The following MYRIP variants were observed in gnomAD, a reference collection of about 807,000 sequenced individuals.
MYRIP encodes the protein myosin VIIA and Rab interacting protein.
A neutral mutation model predicts 98.0 loss-of-function variants in MYRIP; 49 were observed. The ratio of observed to expected loss-of-function variants is 0.50; its 90% confidence interval spans 0.40 to 0.63. The LOEUF (loss-of-function observed/expected upper bound fraction) is 0.63. Ranked by LOEUF, MYRIP falls within the 30% of genes least tolerant of loss-of-function variation. The probability of loss-of-function intolerance (pLI) is 0.00; values close to 1 mark genes in which losing one functional copy is unlikely to be tolerated. For synonymous variants in MYRIP, 404 were observed against 409.5 expected (o/e 0.99, Z 0.16); for missense variants, 1,004 against 1,058.2 (o/e 0.95, Z 0.71).
At chr3:39,829,571 G>A (rs972083712) in intron 1 of MYRIP, among the ~76,000 whole-genome samples, 1 of 152,172 alleles carries the variant, frequency 6.6e-6, no homozygotes, top group Non-Finnish European at 1.5e-5. Context: ...GCTGCTGGAA[G>A]TGGGCTTGCT....
chr3:39,812,387 A>G (rs1196129696), intron 1 of MYRIP, among the ~76,000 whole-genome samples: 2 of 152,220 alleles, frequency 1.3e-5, no homozygotes, highest in Non-Finnish European at 2.9e-5. Context: ...GTACAGAAAA[A>G]TAGAAGGAAT....
intron 4 of MYRIP, among the ~76,000 whole-genome samples, chr3:40,155,486 T>C (rs1950211779): frequency 6.6e-6 from 1 of 152,210 alleles, no homozygotes; most frequent in African/African-American, 2.4e-5. Context: ...ACATGATTTA[T>C]AGTCCATTGG....
rs1346607920 is a variant in MYRIP at position 40,250,282 on chromosome 3, T to G, written c.2323T>G (p.Cys775Gly). 1.2e-6 allele frequency: 2 copies of G among 1,614,038 alleles called. No individual in the cohort carries two copies. Among genetic ancestry groups the G allele is most frequent in the African/African-American group, 2.7e-5 (2 of 74,936 alleles). The change falls in exon 14 of 17, where the codon TGT (cysteine) becomes GGT (glycine). Residue 775 changes from cysteine (C) to glycine (G), a missense_variant. This residue lies in a region of MYRIP where 108 missense variants were observed against 111.1 expected (regional missense o/e 0.97). Transcript: ENST00000302541. The part of the protein sequence containing the change: ...LTIAGLNIAP[C>G]VRFTRRRDQK... ...CATTGCAGGATTAAACATAGCACCA[T>G]GTGTGCGCTTCACAAGAAGACGGGA...
intron 2 of MYRIP, among the ~76,000 whole-genome samples, chr3:40,042,253 A>G (rs1328739408): frequency 3.3e-5 from 5 of 150,680 alleles, no homozygotes; most frequent in Non-Finnish European, 7.4e-5. Context: ...TATAACAACT[A>G]TGTAAAAGCA....
chr3:39,992,815 CCTTAGGCACT>C (rs1946212571), intron 2 of MYRIP, among the ~76,000 whole-genome samples: 1 of 152,172 alleles, frequency 6.6e-6, no homozygotes, highest in African/African-American at 2.4e-5. Context: ...AAATTCTTGA[CCTTAGGCACT>C]CTAGTCTCTG....
chr3:39,909,100 G>C (rs1285106009), intron 2 of MYRIP, among the ~76,000 whole-genome samples: 1 of 152,170 alleles, frequency 6.6e-6, no homozygotes, highest in Admixed American at 6.5e-5. Flanking sequence ...GGTGCAGTGG[G>C]AGGCAGGACA....
At chr3:39,933,294 A>G (rs1944582644) in intron 2 of MYRIP, among the ~76,000 whole-genome samples, 1 of 152,230 alleles carries the variant, frequency 6.6e-6, no homozygotes, top group African/African-American at 2.4e-5. Flanking sequence ...CTACAAAAGC[A>G]GAGTTGAGTA....
At chr3:39,998,532 T>C (rs570775782) in intron 2 of MYRIP, among the ~76,000 whole-genome samples, 40 of 152,182 alleles carry the variant, frequency 2.6e-4, no homozygotes, top group Admixed American at 2.4e-3. Context: ...TAAAGGAGGA[T>C]ACAAACAAAT....
At chr3:40,200,066 T>C (rs569602427) in intron 10 of MYRIP, among the ~76,000 whole-genome samples, 1 of 123,432 alleles carries the variant, frequency 8.1e-6, no homozygotes, top group African/African-American at 2.7e-5. Flanking sequence ...GATAAACTCG[T>C]TGCAGAGAAC....
chr3:40,133,755 GTTTTGAA>G (rs1218343059), intron 3 of MYRIP, among the ~76,000 whole-genome samples: 5 of 152,192 alleles, frequency 3.3e-5, no homozygotes, highest in Non-Finnish European at 5.9e-5. Flanking sequence ...AAAAATGTAT[GTTTTGAA>G]TTTTGTTTGG....
chr3:40,106,228 C>A (rs1429634710), intron 3 of MYRIP, among the ~76,000 whole-genome samples: 3 of 151,986 alleles, frequency 2.0e-5, no homozygotes, highest in Non-Finnish European at 4.4e-5. Flanking sequence ...TTCCTCAGGC[C>A]CCCGAGACCA....
At chr3:39,883,344 G>C (rs182318012) in intron 1 of MYRIP, among the ~76,000 whole-genome samples, 1 of 152,258 alleles carries the variant, frequency 6.6e-6, no homozygotes, top group Non-Finnish European at 1.5e-5. Flanking sequence ...GGTACCGTCA[G>C]CACCTGACGG....
chr3:40,252,143 G>C (rs894796419), intron 16 of MYRIP, 144 bp downstream of exon 16: 3 of 653,880 alleles, frequency 4.6e-6, no homozygotes, highest in Non-Finnish European at 7.9e-6. Context: ...GGATTTGACT[G>C]GGGGGTGGAC....
intron 2 of MYRIP, among the ~76,000 whole-genome samples, chr3:40,033,373 G>C (rs377493005): frequency 2.0e-5 from 3 of 151,812 alleles, no homozygotes; most frequent in South Asian, 2.1e-4. Context: ...TCAGCAAAGT[G>C]TCAGGATACA....
At chr3:40,245,094 G>A (rs1299332177) in intron 13 of MYRIP, among the ~76,000 whole-genome samples, 1 of 152,186 alleles carries the variant, frequency 6.6e-6, no homozygotes, top group African/African-American at 2.4e-5. Context: ...AATAAAAATG[G>A]GGTGAACAAA....
intron 3 of MYRIP, among the ~76,000 whole-genome samples, chr3:40,124,840 C>A (rs114770430): frequency 6.6e-6 from 1 of 152,200 alleles, no homozygotes; most frequent in African/African-American, 2.4e-5. Context: ...AAGTGGCTGG[C>A]CTTGCAGTCT....
intron 1 of MYRIP, among the ~76,000 whole-genome samples, chr3:39,888,727 T>C (rs1326666081): frequency 1.3e-5 from 2 of 152,060 alleles, no homozygotes. Flanking sequence ...GAAACTACCA[T>C]CAGAGTGAAC....
At chr3:40,063,260 T>C (rs1251851875) in intron 3 of MYRIP, among the ~76,000 whole-genome samples, 4 of 152,176 alleles carry the variant, frequency 2.6e-5, no homozygotes, top group East Asian at 1.9e-4. Flanking sequence ...TAGGGGAATA[T>C]AGCTACAAAG....
In MYRIP at chr3:40,031,495, C is replaced by T. The variant is rs535867365; in HGVS notation, c.111-12555C>T. Among the ~76,000 whole-genome samples, 28 of 152,228 alleles carry T rather than the reference C, an allele frequency of 1.8e-4. No homozygotes were observed. The South Asian group carries it at 5.8e-3, about 32-fold the overall frequency. On this transcript the variant is annotated intron_variant, in intron 2 of 16. Transcript: ENST00000302541. ...TGGGGCAGGAGATGTGGCCTTGAGCCTTTGCAAGACAAGGCAGCTGAAAAT... is the reference window on the plus strand; with the variant it reads ...TGGGGCAGGAGATGTGGCCTTGAGCTTTTGCAAGACAAGGCAGCTGAAAAT...
Sources: gnomAD v4.1 joint callset for allele counts (sites outside exome capture counted in the v4.1 genomes callset) on GRCh38, gnomAD v4.1.1 for gene constraint, gnomAD v4.1.1 regional missense constraint, MANE v1.5 for transcripts, NCBI Gene and HGNC (gene_info 2026-07-23, HGNC 2026-07-21) for gene names.